Variants in PIP5K1B observed in about 807,000 individuals in gnomAD.
The protein encoded by PIP5K1B is phosphatidylinositol-4-phosphate 5-kinase type 1 beta.
In PIP5K1B, 42 loss-of-function variants were observed where a neutral mutation model predicts 67.0. That is an observed-to-expected ratio of 0.63 (90% CI 0.49 to 0.81). The LOEUF is 0.81. Ranked by LOEUF, PIP5K1B falls within the 30% of genes least tolerant of loss-of-function variation. The pLI is 0.00. For synonymous variants in PIP5K1B, 214 were observed against 231.4 expected, an observed-to-expected ratio of 0.92 and a Z score of 0.68; for missense variants, 459 against 646.3, an observed-to-expected ratio of 0.71 and a Z score of 3.14.
At chr9:68,816,654 A>C (rs1009167810) in intron 2 of PIP5K1B, among the ~76,000 whole-genome samples, 1 of 152,220 alleles carries the variant, frequency 6.6e-6, no homozygotes, top group Non-Finnish European at 1.5e-5. Context: ...AACTTAATGT[A>C]TGCTAAAGGT....
intron 14 of PIP5K1B, among the ~76,000 whole-genome samples, chr9:68,979,941 G>GCCT (rs1453404759): frequency 6.6e-6 from 1 of 152,214 alleles, no homozygotes; most frequent in Admixed American, 6.5e-5. Flanking sequence ...ATCTCTGAAA[G>GCCT]CCTCCTGTAT....
Position 68,963,719 on chromosome 9 carries a change from T to G in PIP5K1B, c.1502+22929T>G, listed in dbSNP as rs1049671196. Among the ~76,000 whole-genome samples, 6 of 152,250 alleles carry G rather than the reference T, an allele frequency of 3.9e-5. No homozygotes were observed. In the East Asian group the frequency reaches 1.2e-3, roughly 29 times the overall value. ...ACCTTTACAATGGTAGTGGGGGCAT[T>G]CATTATACAGTCATTGCCTGAAATT... On this transcript the variant is annotated intron_variant, in intron 14 of 15. Transcript: ENST00000265382.
chr9:68,762,323 G>C (rs1342302892), intron 2 of PIP5K1B, among the ~76,000 whole-genome samples: 1 of 152,018 alleles, frequency 6.6e-6, no homozygotes, highest in Non-Finnish European at 1.5e-5. Flanking sequence ...GCAGGTGGCT[G>C]AAAGTCGTGG....
chr9:68,727,229 A>C (rs1828196164), intron 1 of PIP5K1B, among the ~76,000 whole-genome samples: 1 of 152,184 alleles, frequency 6.6e-6, no homozygotes, highest in African/African-American at 2.4e-5. Flanking sequence ...AACAGTTGTA[A>C]AGATAACTAT....
intron 11 of PIP5K1B, among the ~76,000 whole-genome samples, chr9:68,922,460 C>CAAAAAAAAAAAAAAAA (rs141136674): frequency 5.9e-4 from 76 of 127,772 alleles, no homozygotes; most frequent in South Asian, 7.8e-4. Flanking sequence ...GACTCTGTCT[C>CAAAAAAAAAAAAAAAA]AAAAAAAAAG....
chr9:68,957,461 C>G (rs1289135748), intron 14 of PIP5K1B, among the ~76,000 whole-genome samples: 1 of 152,038 alleles, frequency 6.6e-6, no homozygotes, highest in African/African-American at 2.4e-5. Flanking sequence ...TGCCTATAAC[C>G]CTTATAAAAG....
At chr9:68,970,723 A>T (rs908930318) in intron 14 of PIP5K1B, among the ~76,000 whole-genome samples, 1 of 152,238 alleles carries the variant, frequency 6.6e-6, no homozygotes, top group Admixed American at 6.5e-5. Context: ...TCACATATAA[A>T]CATATGGATT....
At chr9:68,886,527 T>C (rs1046930900) in intron 6 of PIP5K1B, among the ~76,000 whole-genome samples, 2 of 152,194 alleles carry the variant, frequency 1.3e-5, no homozygotes, top group African/African-American at 4.8e-5. Flanking sequence ...TAGTCACAGT[T>C]TCTGCTGCAC....
chr9:69,003,469 A>AAAT (rs1329194665), intron 15 of PIP5K1B, among the ~76,000 whole-genome samples: 15 of 150,850 alleles, frequency 9.9e-5, no homozygotes, highest in South Asian at 8.4e-4. Flanking sequence ...TTATAGTTAA[A>AAAT]AAAAAAAAAG....
At chr9:68,940,947 G>C in intron 14 of PIP5K1B, 157 bp downstream of exon 14, 1 of 745,702 alleles carries the variant, frequency 1.3e-6, no homozygotes. Context: ...TTTTTACTGT[G>C]GCAAAAGAAC....
Position 68,746,355 on chromosome 9 carries a change from TAACA to T in PIP5K1B, c.-86+3703_-86+3706del, listed in dbSNP as rs1466746097. Among the ~76,000 whole-genome samples, 9 of 152,228 alleles carry T rather than the reference TAACA, an allele frequency of 5.9e-5. No individual in the cohort carries two copies. In the South Asian group the frequency reaches 6.2e-4, roughly 11 times the overall value. On this transcript the variant is annotated intron_variant, in intron 2 of 15. Coordinates refer to ENST00000265382, the MANE Select transcript of PIP5K1B (RefSeq NM_003558.4). ...CAGCCTCCCAAAGTGTGTTCACTCT[TAACA>T]AACAGATTCTTAGTTATATGGCATG...
intron 4 of PIP5K1B, among the ~76,000 whole-genome samples, chr9:68,834,068 G>A (rs1587526219): frequency 6.6e-6 from 1 of 152,312 alleles, no homozygotes; most frequent in South Asian, 2.1e-4. Context: ...CTTTTCCACA[G>A]TTATATTCCT....
chr9:68,965,243 T>C (rs1828960479), intron 14 of PIP5K1B, among the ~76,000 whole-genome samples: 1 of 152,218 alleles, frequency 6.6e-6, no homozygotes, highest in African/African-American at 2.4e-5. Context: ...ATAGAATATA[T>C]ATAAGATACA....
At chr9:68,968,497 C>CT (rs1191781133) in intron 14 of PIP5K1B, among the ~76,000 whole-genome samples, 2 of 81,906 alleles carry the variant, frequency 2.4e-5, no homozygotes, top group African/African-American at 7.4e-5. Context: ...GAGCAAGACT[C>CT]TGTCTCAAAA....
At chr9:68,708,839 A>G (rs1213696852) in intron 1 of PIP5K1B, among the ~76,000 whole-genome samples, 1 of 152,194 alleles carries the variant, frequency 6.6e-6, no homozygotes, top group African/African-American at 2.4e-5. Context: ...GATAAGAAAG[A>G]ATATAGTGAT....
chr9:68,811,697 T>C (rs1210006859), intron 2 of PIP5K1B, among the ~76,000 whole-genome samples: 1 of 152,238 alleles, frequency 6.6e-6, no homozygotes, highest in Non-Finnish European at 1.5e-5. Flanking sequence ...ATCTGTTTCA[T>C]CACCATCTCT....
At chr9:68,834,122 T>C (rs956189621) in intron 4 of PIP5K1B, among the ~76,000 whole-genome samples, 1 of 152,234 alleles carries the variant, frequency 6.6e-6, no homozygotes, top group Non-Finnish European at 1.5e-5. Flanking sequence ...TTATCTTCCA[T>C]TGGCCTTCTG....
chr9:68,731,372 G>T (rs11143568), intron 1 of PIP5K1B, among the ~76,000 whole-genome samples: 34,336 of 152,172 alleles, frequency 0.23, 4,901 homozygotes, highest in Middle Eastern at 0.32. Flanking sequence ...TCCCAGCAAA[G>T]AACAGCCTCT....
At chr9:68,915,797 G>C (rs1826062772) in intron 8 of PIP5K1B, among the ~76,000 whole-genome samples, 1 of 152,188 alleles carries the variant, frequency 6.6e-6, no homozygotes, top group African/African-American at 2.4e-5. Flanking sequence ...GAAAGATGAA[G>C]TGTGAACCCT....
Sources: gnomAD v4.1 joint callset for allele counts (sites outside exome capture counted in the v4.1 genomes callset) on GRCh38, gnomAD v4.1.1 for gene constraint, MANE v1.5 for transcripts, NCBI Gene and HGNC (gene_info 2026-07-23, HGNC 2026-07-21) for gene names.